Variants in PCDHGA12 observed in about 807,000 individuals in gnomAD.
The protein encoded by PCDHGA12 is protocadherin gamma-A12.
Under a neutral mutation model 61.1 loss-of-function variants are expected in PCDHGA12, and 43 were observed. The ratio of observed to expected loss-of-function variants is 0.70; its 90% CI spans 0.55 to 0.91. The LOEUF is 0.91. Ranked by LOEUF, PCDHGA12 falls within the 40% of genes least tolerant of loss-of-function variation. The pLI is 0.00. For synonymous variants in PCDHGA12, 520 were observed against 542.9 expected (o/e 0.96, Z 0.59); for missense variants, 1,236 against 1,227.7 (o/e 1.01, Z -0.10).
chr5:141,472,980 CAA>C (rs60579131), intron 1 of PCDHGA12, among the ~76,000 whole-genome samples: 879 of 86,072 alleles, frequency 0.01, 5 homozygotes, highest in African/African-American at 0.015. Context: ...GAGTGAAACT[CAA>C]AAAAAAAAAA....
At position 141,490,376 on chromosome 5, in the gene PCDHGA12, CA is replaced by C; in HGVS notation, c.2425-4430del. 1 of 1,614,184 alleles carries C rather than the reference CA, an allele frequency of 6.2e-7. No individual in the cohort carries two copies. Among genetic ancestry groups the C allele is most frequent in the African/African-American group, 1.3e-5 (1 of 75,030 alleles). On this transcript the variant is annotated intron_variant, in intron 1 of 3. Coordinates refer to ENST00000252085, the MANE Select transcript of PCDHGA12 (RefSeq NM_003735.3). This position sits in a 1 kb window ranked among gnomAD's most constrained non-coding sequence, Gnocchi z 5.4. ...TTGTTTAATGTGCGAGACCGGGACTCAGGTAGAAATGGTGAAGTGAGCCTTG... is the reference window on the plus strand; with the variant it reads ...TTGTTTAATGTGCGAGACCGGGACTCGGTAGAAATGGTGAAGTGAGCCTTG...
intron 1 of PCDHGA12, among the ~76,000 whole-genome samples, chr5:141,463,573 C>T (rs1331124291): frequency 6.6e-6 from 1 of 151,436 alleles, no homozygotes; most frequent in East Asian, 1.9e-4. Flanking sequence ...CTCAGCCTCC[C>T]GAGTAGCTGG....
chr5:141,447,123 TTTTG>T (rs1327676720), intron 1 of PCDHGA12, among the ~76,000 whole-genome samples: 7 of 152,278 alleles, frequency 4.6e-5, no homozygotes, highest in African/African-American at 1.4e-4. Context: ...CCATGGATTT[TTTTG>T]TTTGTTTGTT....
intron 2 of PCDHGA12, 22 bp downstream of exon 2, chr5:141,494,887 C>T (rs116522768): frequency 0.014 from 22,125 of 1,614,118 alleles, 208 homozygotes; most frequent in Middle Eastern, 0.021. Context: ...ATTCTCCAGC[C>T]CACCCTCTTC....
rs3074545 is a variant in PCDHGA12, at chr5:141,482,530, C to CAAAAAAA, written c.2425-12264_2425-12258dup. On this transcript the variant is annotated intron_variant, in intron 1 of 3. Coordinates refer to ENST00000252085, the MANE Select transcript of PCDHGA12 (RefSeq NM_003735.3). ...CAGAGTACAGTATGAGACAGACATG[C>CAAAAAAA]AAAAAAAAAAAAAAAAAAAGATAAT... Among the ~76,000 whole-genome samples the CAAAAAAA allele has an allele frequency of 6.5e-4, 50 of 76,534 alleles. 2 individuals are homozygous for CAAAAAAA. The highest frequency in any genetic ancestry group is 1.7e-3 in the African/African-American group (35 of 20,860). 50.2% of individuals were successfully genotyped at this position (76,534 alleles called of 152,430 possible).
At chr5:141,464,156 T>C (rs2099077051) in intron 1 of PCDHGA12, among the ~76,000 whole-genome samples, 2 of 151,752 alleles carry the variant, frequency 1.3e-5, no homozygotes, top group Non-Finnish European at 1.5e-5. Context: ...TCCCAGCTAC[T>C]TGGAAGGCTG....
chr5:141,461,510 G>T (rs2099016853), intron 1 of PCDHGA12, among the ~76,000 whole-genome samples: 1 of 152,014 alleles, frequency 6.6e-6, no homozygotes, highest in Non-Finnish European at 1.5e-5. Context: ...TTGGTGATTT[G>T]TTAGTTCCTT....
chr5:141,447,805 G>T (rs1389870133), intron 1 of PCDHGA12, among the ~76,000 whole-genome samples: 2 of 152,064 alleles, frequency 1.3e-5, no homozygotes, highest in African/African-American at 4.8e-5. Context: ...AATAAAATTG[G>T]CTGGGCGTGG....
intron 1 of PCDHGA12, among the ~76,000 whole-genome samples, chr5:141,482,179 G>A (rs1398839482): frequency 6.6e-6 from 1 of 152,040 alleles, no homozygotes; most frequent in Non-Finnish European, 1.5e-5. Flanking sequence ...AAGGCTTTAC[G>A]ATGCTCCAGT....
intron 1 of PCDHGA12, among the ~76,000 whole-genome samples, chr5:141,466,916 GT>G (rs1204028461): frequency 6.6e-6 from 1 of 152,010 alleles, no homozygotes; most frequent in Non-Finnish European, 1.5e-5. Context: ...AAAACTCCTT[GT>G]ATTAGGAATA....
intron 3 of PCDHGA12, among the ~76,000 whole-genome samples, chr5:141,510,162 A>C (rs947806998): frequency 6.6e-6 from 1 of 151,838 alleles, no homozygotes; most frequent in Non-Finnish European, 1.5e-5. Flanking sequence ...AATCTCAGCT[A>C]CTCAGGAGGT....
chr5:141,465,448 A>G (rs2099103302), intron 1 of PCDHGA12, among the ~76,000 whole-genome samples: 2 of 152,192 alleles, frequency 1.3e-5, no homozygotes, highest in Admixed American at 1.3e-4. Flanking sequence ...TTACCCAAGA[A>G]AACTCTCACC....
At chr5:141,506,680 A>G (rs949777571) in intron 3 of PCDHGA12, among the ~76,000 whole-genome samples, 1 of 152,212 alleles carries the variant, frequency 6.6e-6, no homozygotes, top group Non-Finnish European at 1.5e-5. Context: ...ATATATTATT[A>G]TCTTTGCTGA....
In PCDHGA12 at chr5:141,431,183, A is replaced by G. The variant is rs1467232519; in HGVS notation, c.424A>G (p.Ile142Val). ...YFRESELEIKISENAATEMRF... is the reference protein window; with the variant it reads ...YFRESELEIKVSENAATEMRF... Reference sequence around the variant, plus strand: ...TCGTGAAAGTGAATTAGAAATAAAAATTAGTGAAAATGCAGCCACTGAGAT... The same window carrying G: ...TCGTGAAAGTGAATTAGAAATAAAAGTTAGTGAAAATGCAGCCACTGAGAT... The change falls in exon 1 of 4, where the codon ATT becomes GTT. Residue 142 changes from isoleucine to valine, a missense_variant. Transcript: ENST00000252085. The surrounding 1 kb of genome is among the most constrained non-coding windows in gnomAD (Gnocchi z 4.8). 1 of 1,614,218 alleles carries G rather than the reference A, an allele frequency of 6.2e-7. No individual in the cohort carries two copies. The highest frequency in any genetic ancestry group is 2.2e-5 in the East Asian group (1 of 44,880).
Position 141,477,779 on chromosome 5 carries a change from A to G in PCDHGA12, c.2425-17028A>G, listed in dbSNP as rs781567883. ...CCTAGCCACCAACATCAGCGTGAAC[A>G]TATTTGTCACTGATCGCAATGACAA... On this transcript the variant is annotated intron_variant, in intron 1 of 3. Coordinates refer to ENST00000252085, the MANE Select transcript of PCDHGA12 (RefSeq NM_003735.3). This position sits in a 1 kb window ranked among gnomAD's most constrained non-coding sequence, Gnocchi z 4.9. 5.6e-6 allele frequency: 9 copies of G among 1,613,894 alleles called. No homozygotes were observed. Among genetic ancestry groups the G allele is most frequent in the South Asian group, 5.5e-5 (5 of 91,084 alleles).
At chr5:141,472,980 C>CAAAAAAAAAAAAAAAAAAA (rs60579131) in intron 1 of PCDHGA12, among the ~76,000 whole-genome samples, 6 of 86,104 alleles carry the variant, frequency 7.0e-5, no homozygotes, top group African/African-American at 1.2e-4. Context: ...GAGTGAAACT[C>CAAAAAAAAAAAAAAAAAAA]AAAAAAAAAA....
intron 1 of PCDHGA12, among the ~76,000 whole-genome samples, chr5:141,448,772 G>C (rs1034550563): frequency 1.5e-4 from 22 of 151,272 alleles, no homozygotes; most frequent in African/African-American, 3.7e-4. Context: ...AACCCCGTCT[G>C]TACTAAAAAT....
rs370286425 is a variant in PCDHGA12, at chr5:141,431,234, G to A, written c.475G>A (p.Asp159Asn). Residue 159 changes from aspartate (D) to asparagine (N), a missense_variant, in exon 1 of 4, where the codon GAT (aspartate) becomes AAT (asparagine). Coordinates refer to ENST00000252085, the MANE Select transcript of PCDHGA12 (RefSeq NM_003735.3). This position sits in a 1 kb window ranked among gnomAD's most constrained non-coding sequence, Gnocchi z 4.8. ...EMRFPLPHAW[D>N]PDIGKNSLQS... ...GCGGTTCCCTCTACCCCACGCCTGGGATCCGGATATCGGGAAGAACTCTCT... is the reference window on the plus strand; with the variant it reads ...GCGGTTCCCTCTACCCCACGCCTGGAATCCGGATATCGGGAAGAACTCTCT... 13 of 1,614,052 alleles carry A rather than the reference G, an allele frequency of 8.1e-6. No individual in the cohort carries two copies. The highest frequency in any genetic ancestry group is 2.7e-5 in the African/African-American group (2 of 74,940).
At position 141,432,436 on chromosome 5, in the gene PCDHGA12, G is replaced by C; in HGVS notation, c.1677G>C (p.Ala559=). ...TCGTGCTGGACCAGAACGACAATGC[G>C]CCCGAGATCCTGTACCCCGCCCTCC... The part of the protein sequence containing the change: ...SLFVLDQNDN[A]PEILYPALPT... The change falls in exon 1 of 4, where the codon GCG becomes GCC. Residue 559 remains alanine, a synonymous_variant. Transcript: ENST00000252085. This position sits in a 1 kb window ranked among gnomAD's most constrained non-coding sequence, Gnocchi z 6.0. 1 of 1,614,196 alleles carries C rather than the reference G, an allele frequency of 6.2e-7. No individual in the cohort carries two copies. Among genetic ancestry groups the C allele is most frequent in the Middle Eastern group, 1.6e-4 (1 of 6,062 alleles).
Sources: gnomAD v4.1 joint callset for allele counts (sites outside exome capture counted in the v4.1 genomes callset) on GRCh38, gnomAD v4.1.1 for gene constraint, Gnocchi (gnomAD v3.1) non-coding constraint, MANE v1.5 for transcripts, NCBI Gene and HGNC (gene_info 2026-07-23, HGNC 2026-07-21) for gene names.